Variants in TRHDE observed in about 807,000 individuals in gnomAD.
The protein encoded by TRHDE is thyrotropin releasing hormone degrading enzyme, also known as thyrotropin-releasing hormone-degrading ectoenzyme.
TRHDE carries 72 observed loss-of-function variants against 125.7 expected under a neutral mutation model. The ratio of observed to expected loss-of-function variants is 0.57; its 90% CI spans 0.47 to 0.70. TRHDE has a LOEUF of 0.70. TRHDE is among the 30% of genes least tolerant of loss of function. The probability of loss-of-function intolerance (pLI) is 0.00; values close to 1 mark genes in which losing one functional copy is unlikely to be tolerated. For missense variants in TRHDE, 1,110 were observed against 1,327.1 expected, an observed-to-expected ratio of 0.84 and a Z score of 2.54; for synonymous variants, 509 against 509.1, an observed-to-expected ratio of 1.00 and a Z score of 0.00.
intron 1 of TRHDE, among the ~76,000 whole-genome samples, chr12:72,100,042 A>T (rs1339675197): frequency 6.6e-6 from 1 of 152,128 alleles, no homozygotes; most frequent in African/African-American, 2.4e-5. Context: ...GATATTAAAG[A>T]TTCATCAAAA....
intron 6 of TRHDE, among the ~76,000 whole-genome samples, chr12:72,533,959 C>A (rs1278988719): frequency 1.3e-5 from 2 of 152,006 alleles, no homozygotes; most frequent in Non-Finnish European, 2.9e-5. Flanking sequence ...CCTGAGAATA[C>A]TGAAAAAACA....
At chr12:72,186,632 T>G (rs1284788776) in intron 2 of TRHDE, 1 of 121,380 alleles carries the variant, frequency 8.2e-6, no homozygotes, top group East Asian at 2.3e-4. Context: ...AGGTAAGGAT[T>G]TTTTTTTTTT....
chr12:72,114,363 T>C (rs534917979), intron 2 of TRHDE, among the ~76,000 whole-genome samples: 1 of 152,304 alleles, frequency 6.6e-6, no homozygotes, highest in East Asian at 1.9e-4. Flanking sequence ...AGCCTACTGT[T>C]GTCAGGAAGC....
At chr12:72,184,358 A>C (rs1254211555) in intron 2 of TRHDE, among the ~76,000 whole-genome samples, 3 of 152,046 alleles carry the variant, frequency 2.0e-5, no homozygotes, top group Non-Finnish European at 4.4e-5. Context: ...ATGATTACAG[A>C]GAAGTTACTA....
intron 5 of TRHDE, among the ~76,000 whole-genome samples, chr12:72,473,757 T>C (rs550939466): frequency 9.3e-4 from 141 of 152,120 alleles, no homozygotes; most frequent in Non-Finnish European, 2.0e-3. Flanking sequence ...GAAGAAAAAG[T>C]AGAGGGAGGG....
intron 10 of TRHDE, 63 bp downstream of exon 10, chr12:72,568,719 C>A: frequency 1.7e-6 from 2 of 1,153,038 alleles, no homozygotes; most frequent in South Asian, 2.8e-5. Flanking sequence ...GCAACTTAAC[C>A]TCTGGTTTCA....
chr12:72,375,623 T>C (rs1871843206), intron 2 of TRHDE, among the ~76,000 whole-genome samples: 1 of 152,210 alleles, frequency 6.6e-6, no homozygotes, highest in Non-Finnish European at 1.5e-5. Context: ...ATACTTTATG[T>C]AGAATCTTTT....
At chr12:72,152,148 C>T (rs887801867) in intron 2 of TRHDE, among the ~76,000 whole-genome samples, 1 of 151,124 alleles carries the variant, frequency 6.6e-6, no homozygotes, top group African/African-American at 2.5e-5. Flanking sequence ...ATTTTATTCT[C>T]TTTGAAGCAA....
chr12:72,167,128 A>G (rs907333827), intron 2 of TRHDE, among the ~76,000 whole-genome samples: 1 of 152,152 alleles, frequency 6.6e-6, no homozygotes, highest in Non-Finnish European at 1.5e-5. Flanking sequence ...CTTAAAATCA[A>G]GTGAACATGA....
intron 3 of TRHDE, among the ~76,000 whole-genome samples, chr12:72,411,100 G>A (rs1195359085): frequency 1.3e-5 from 2 of 151,770 alleles, no homozygotes; most frequent in African/African-American, 2.4e-5. Context: ...CTACTCGGGA[G>A]GCTGAGGCAG....
intron 1 of TRHDE, among the ~76,000 whole-genome samples, chr12:72,282,061 C>T (rs895456441): frequency 9.2e-5 from 14 of 152,194 alleles, no homozygotes; most frequent in African/African-American, 3.1e-4. Context: ...TGACATTCTA[C>T]GAATCACACT....
intron 3 of TRHDE, among the ~76,000 whole-genome samples, chr12:72,441,782 A>G (rs1163618184): frequency 1.3e-5 from 2 of 151,900 alleles, no homozygotes; most frequent in South Asian, 4.1e-4. Context: ...GATAAACAAG[A>G]TAATAAAGCA....
chr12:72,669,988 A>G lies in TRHDE; in HGVS notation c.*6793A>G, dbSNP rs1213925750. 4 of 151,764 alleles carry G rather than the reference A, an allele frequency of 2.6e-5. No homozygotes were observed. Among genetic ancestry groups the G allele is most frequent in the African/African-American group, 9.7e-5 (4 of 41,430 alleles). 9.4% of individuals were successfully genotyped at this position (151,764 alleles called of 1,614,324 possible). ...TTACTTGAACAATAAGAGAAATTCT[A>G]TCTTTGAGCTTTCATAATTGGCTTT... On this transcript the variant is annotated 3_prime_UTR_variant, in exon 19 of 19. Coordinates refer to ENST00000261180, the MANE Select transcript of TRHDE (RefSeq NM_013381.3).
Position 72,551,926 on chromosome 12 carries a change from G to A in TRHDE, c.1788+9570G>A, listed in dbSNP as rs144723519. ...TGCTGAGGTCTGAAGGAAGAAAGAC[G>A]GGGGTCAGGGAGATTCCAAGAAGAG... is the stretch of plus-strand genomic sequence containing the variant. On this transcript the variant is annotated intron_variant, in intron 7 of 18. Coordinates refer to ENST00000261180, the MANE Select transcript of TRHDE (RefSeq NM_013381.3). Among the ~76,000 whole-genome samples, 729 of 152,138 alleles carry A rather than the reference G, an allele frequency of 4.8e-3. 8 individuals carry two copies. Among genetic ancestry groups the A allele is most frequent in the Non-Finnish European group, 5.0e-3 (337 of 67,986 alleles).
chr12:72,314,475 TAG>T (rs887617821), intron 2 of TRHDE, among the ~76,000 whole-genome samples: 2 of 152,190 alleles, frequency 1.3e-5, no homozygotes, highest in Non-Finnish European at 2.9e-5. Context: ...ATTTTCATTA[TAG>T]ACATTATCCA....
intron 2 of TRHDE, among the ~76,000 whole-genome samples, chr12:72,297,520 G>A (rs146318836): frequency 7.9e-5 from 12 of 152,320 alleles, no homozygotes; most frequent in Middle Eastern, 3.4e-3. Flanking sequence ...ATGGAGAGGT[G>A]ATCCTGAACA....
chr12:72,196,308 T>C (rs564574634), intron 2 of TRHDE, among the ~76,000 whole-genome samples: 4 of 152,266 alleles, frequency 2.6e-5, no homozygotes, highest in Non-Finnish European at 5.9e-5. Flanking sequence ...GTAGATTATT[T>C]TGGGCAATAC....
At chr12:72,449,432 A>AT (rs1043527192) in intron 3 of TRHDE, among the ~76,000 whole-genome samples, 2 of 151,102 alleles carry the variant, frequency 1.3e-5, no homozygotes, top group East Asian at 1.9e-4. Flanking sequence ...TGATTTTTGA[A>AT]TTTTTTTTTC....
intron 15 of TRHDE, among the ~76,000 whole-genome samples, chr12:72,636,265 A>G (rs1223156267): frequency 2.7e-5 from 4 of 150,670 alleles, no homozygotes; most frequent in Admixed American, 2.0e-4. Flanking sequence ...CTTTGAAGCA[A>G]TTGTGAATGG....
Sources: allele counts gnomAD v4.1 joint callset (sites outside exome capture counted in the v4.1 genomes callset), GRCh38; gene constraint gnomAD v4.1.1; transcripts MANE v1.5; gene names NCBI Gene and HGNC (gene_info 2026-07-23, HGNC 2026-07-21).